The following ABHD8 variants were observed in gnomAD, a reference collection of about 807,000 sequenced individuals.
The protein encoded by ABHD8 is abhydrolase domain containing 8, also known as protein ABHD8.
Under a neutral mutation model 29.3 loss-of-function variants are expected in ABHD8, and 10 were observed. That is an observed-to-expected ratio of 0.34 (90% CI 0.21 to 0.58). ABHD8 has a LOEUF of 0.58. Among genes scored for constraint, ABHD8 ranks in the 20% least tolerant of loss-of-function variants. The pLI is 0.85. For synonymous variants in ABHD8, 282 were observed against 274.6 expected, an observed-to-expected ratio of 1.03 and a Z score of -0.27; for missense variants, 556 against 615.3, an observed-to-expected ratio of 0.90 and a Z score of 1.02.
chr19:17,300,271 T>C (rs935439162), intron 2 of ABHD8, among the ~76,000 whole-genome samples: 5 of 151,582 alleles, frequency 3.3e-5, no homozygotes, highest in Admixed American at 3.3e-4. Context: ...AGTGGTGTGA[T>C]CACAGTTCAC....
At position 17,292,200 on chromosome 19, in the gene ABHD8, T is replaced by A; in HGVS notation, c.*461A>T. ...AGGTTCGGTGGCGCCAGCCCCCCCA[T>A]CCCCCCCCCTTGGGCAAAAATAGCT... On this transcript the variant is annotated 3_prime_UTR_variant, in exon 5 of 5. Transcript: ENST00000247706. The A allele has an allele frequency of 4.8e-4, 78 of 162,956 alleles. No individual in the cohort carries two copies. Among genetic ancestry groups the A allele is most frequent in the East Asian group, 7.9e-4 (5 of 6,328 alleles). The allele number at this position is 162,956 out of a possible 1,614,324, so 10.1% of individuals were successfully genotyped here. A position where few individuals can be genotyped will look rare whatever the true frequency, so the allele number is the denominator to read the frequency against.
At chr19:17,300,595 A>G (rs2074112787) in intron 2 of ABHD8, among the ~76,000 whole-genome samples, 1 of 152,144 alleles carries the variant, frequency 6.6e-6, no homozygotes, top group Non-Finnish European at 1.5e-5. Context: ...CCTCTGCCTC[A>G]GCCTCCCGAG....
At chr19:17,294,251 GA>G in intron 4 of ABHD8, 36 bp downstream of exon 4, 1 of 1,585,272 alleles carries the variant, frequency 6.3e-7, no homozygotes, top group South Asian at 1.1e-5. Flanking sequence ...GCACCCTGGG[GA>G]TTTGTAGCTG....
intron 1 of ABHD8, among the ~76,000 whole-genome samples, chr19:17,302,529 C>T (rs959519326): frequency 1.2e-4 from 18 of 152,138 alleles, no homozygotes; most frequent in African/African-American, 4.3e-4. Context: ...AAGGTGAGGC[C>T]CTAGGAGAGG....
chr19:17,303,170 G>A (rs1293123837), intron 1 of ABHD8, 72 bp downstream of exon 1: 1 of 152,252 alleles, frequency 6.6e-6, no homozygotes, highest in East Asian at 1.9e-4. Context: ...CGCGGGGTTG[G>A]TGGACACCAC....
At chr19:17,301,743 A>G (rs2074120322) in intron 1 of ABHD8, 119 bp from the exon 2 acceptor site, 1 of 1,214,008 alleles carries the variant, frequency 8.2e-7, no homozygotes, top group South Asian at 1.9e-5. Flanking sequence ...GGAGCGCCAG[A>G]TCAAGTGAGC....
intron 4 of ABHD8, 75 bp downstream of exon 4, chr19:17,294,213 C>A: frequency 6.6e-7 from 1 of 1,518,918 alleles, no homozygotes; most frequent in South Asian, 1.2e-5. Context: ...TACCACGCCC[C>A]CCGCAGAGGC....
At chr19:17,302,605 T>A (rs182172443) in intron 1 of ABHD8, among the ~76,000 whole-genome samples, 3 of 152,166 alleles carry the variant, frequency 2.0e-5, no homozygotes, top group Non-Finnish European at 2.9e-5. Flanking sequence ...CCGGGGTCTG[T>A]TTCATAGAGG....
At chr19:17,299,560 C>CAAAAA (rs567760409) in intron 2 of ABHD8, among the ~76,000 whole-genome samples, 3,507 of 51,368 alleles carry the variant, frequency 0.068, 163 homozygotes, top group Middle Eastern at 0.15. Context: ...GACTCCATCT[C>CAAAAA]AAAAAAAAAA....
At chr19:17,303,030 T>C (rs1402222382) in intron 1 of ABHD8, 1 of 151,996 alleles carries the variant, frequency 6.6e-6, no homozygotes, top group East Asian at 1.9e-4. Context: ...TAATCCCGGA[T>C]TGTGGAGGGC....
chr19:17,300,524 C>G (rs2074112554), intron 2 of ABHD8, among the ~76,000 whole-genome samples: 3 of 152,108 alleles, frequency 2.0e-5, no homozygotes, highest in African/African-American at 7.2e-5. Flanking sequence ...GTCGCCCAGG[C>G]TGGAGTGCAG....
chr19:17,298,972 C>T (rs1486961927), intron 2 of ABHD8, among the ~76,000 whole-genome samples: 3 of 152,134 alleles, frequency 2.0e-5, no homozygotes, highest in Non-Finnish European at 2.9e-5. Context: ...GAACTCCTGA[C>T]CTCAAGTGAT....
In ABHD8 at chr19:17,292,565, G is replaced by T; in HGVS notation, c.*96C>A. The stretch of plus-strand genomic sequence containing the variant: ...CTGGCCCCGCCCACCGGAGCGAACG[G>T]CCCGCCCAGGTGGTCTGCGCTGCAG... On this transcript the variant is annotated 3_prime_UTR_variant, in exon 5 of 5. Coordinates refer to ENST00000247706, the MANE Select transcript of ABHD8 (RefSeq NM_024527.5). 7.4e-7 allele frequency: 1 copy of T among 1,351,880 alleles called. No individual in the cohort carries two copies. The highest frequency in any genetic ancestry group is 1.6e-5 in the South Asian group (1 of 61,226). 83.7% of individuals were successfully genotyped at this position (1,351,880 alleles called of 1,614,324 possible).
Position 17,294,695 on chromosome 19 carries a change from G to A in ABHD8, c.912C>T (p.Cys304=), listed in dbSNP as rs1568346814. The stretch of plus-strand genomic sequence containing the variant: ...CTCACTTGAGGAAGCTCCAGGCCAG[G>A]CAGGGCGACAAGCAGTGCAGGACGC... ...PTCVLHCLSP[C]LAWSFLKAGF... The change falls in exon 3 of 5, where the codon TGC becomes TGT. Residue 304 remains cysteine (C), a synonymous_variant. Coordinates refer to ENST00000247706, the MANE Select transcript of ABHD8 (RefSeq NM_024527.5). 5.0e-6 allele frequency: 8 copies of A among 1,613,924 alleles called. No homozygotes were observed. The highest frequency in any genetic ancestry group is 1.7e-5 in the Admixed American group (1 of 60,006).
chr19:17,301,101 G>A lies in ABHD8; in HGVS notation c.516C>T (p.Ala172=). The A allele has an allele frequency of 3.1e-6, 5 of 1,613,356 alleles. No homozygotes were observed. Among genetic ancestry groups the A allele is most frequent in the South Asian group, 1.1e-5 (1 of 91,088 alleles). ...CEKRITSCKG[A]QADVVLFFIH... is the part of the protein sequence containing the mutation. The stretch of plus-strand genomic sequence containing the variant: ...TGAAAAAGAGCACCACGTCGGCCTG[G>A]GCGCCTTTGCAGCTAGTGATGCGCT... The change falls in exon 2 of 5, where the codon GCC becomes GCT. Residue 172 remains alanine (A), a synonymous_variant. Transcript: ENST00000247706.
chr19:17,301,460 G>C lies in ABHD8; in HGVS notation c.157C>G (p.Pro53Ala), dbSNP rs2074118253. 2 of 1,611,570 alleles carry C rather than the reference G, an allele frequency of 1.2e-6. No individual in the cohort carries two copies. The highest frequency in any genetic ancestry group is 1.3e-5 in the African/African-American group (1 of 74,920). Residue 53 changes from proline (P) to alanine (A), a missense_variant, in exon 2 of 5, where the codon CCA (proline) becomes GCA (alanine). By Grantham distance (27) the Pro-to-Ala change is conservative. Coordinates refer to ENST00000247706, the MANE Select transcript of ABHD8 (RefSeq NM_024527.5). ...VLRVKHAGPA[P>A]AAAPPPPSSA... is the part of the protein sequence containing the mutation. ...GATGGTGGAGGTGGGGCAGCGGCTGGGGCGGGTCCTGCATGCTTCACCCGC... is the reference window on the plus strand; with the variant it reads ...GATGGTGGAGGTGGGGCAGCGGCTGCGGCGGGTCCTGCATGCTTCACCCGC...
At chr19:17,292,916 T>C (rs2074077521) in intron 4 of ABHD8, 85 bp from the exon 5 acceptor site, 3 of 1,438,704 alleles carry the variant, frequency 2.1e-6, no homozygotes, top group East Asian at 2.4e-5. Flanking sequence ...CATACACACA[T>C]GGCCCACAGC....
In ABHD8 at chr19:17,292,482, C is replaced by A; in HGVS notation, c.*179G>T. 1 of 709,078 alleles carries A rather than the reference C, an allele frequency of 1.4e-6. No individual in the cohort carries two copies. The highest frequency in any genetic ancestry group is 2.1e-6 in the Non-Finnish European group (1 of 465,832). The allele number at this position is 709,078 out of a possible 1,614,324, so 43.9% of individuals were successfully genotyped here. The stretch of plus-strand genomic sequence containing the variant: ...GGACGGAAGCGGAGAGCGGAATGTC[C>A]GCTGGGCTCCCTCGGATGCCACGCC... On this transcript the variant is annotated 3_prime_UTR_variant, in exon 5 of 5. Coordinates refer to ENST00000247706, the MANE Select transcript of ABHD8 (RefSeq NM_024527.5).
Position 17,303,277 on chromosome 19 carries a change from G to C in ABHD8, c.-44C>G, listed in dbSNP as rs984951116. 1 of 152,306 alleles carries C rather than the reference G, an allele frequency of 6.6e-6. No homozygotes were observed. Among genetic ancestry groups the C allele is most frequent in the African/African-American group, 2.4e-5 (1 of 41,472 alleles). 9.4% of individuals were successfully genotyped at this position (152,306 alleles called of 1,614,324 possible). On this transcript the variant is annotated 5_prime_UTR_variant, in exon 1 of 5. Transcript: ENST00000247706. Reference sequence around the variant, plus strand: ...GCCGCGGGGCCCGGGTCGGGGCGGAGGGGTCCCAGGCGGAGAAGCCAGCGT... The same window carrying C: ...GCCGCGGGGCCCGGGTCGGGGCGGACGGGTCCCAGGCGGAGAAGCCAGCGT...
Sources: allele counts gnomAD v4.1 joint callset (sites outside exome capture counted in the v4.1 genomes callset), GRCh38; gene constraint gnomAD v4.1.1; transcripts MANE v1.5; gene names NCBI Gene and HGNC (gene_info 2026-07-23, HGNC 2026-07-21).